CFAP20DC: variants seen among roughly 807,000 people sequenced by gnomAD.
CFAP20DC encodes protein CFAP20DC.
A neutral mutation model predicts 101.7 loss-of-function variants in CFAP20DC; 84 were observed. The ratio of observed to expected loss-of-function variants is 0.83; its 90% confidence interval spans 0.69 to 0.99. The LOEUF (loss-of-function observed/expected upper bound fraction) is 0.99, where lower values mean the gene tolerates loss of function less well. CFAP20DC is among the 50% of genes least tolerant of loss of function. The probability of loss-of-function intolerance (pLI) is 0.00; values close to 1 mark genes in which losing one functional copy is unlikely to be tolerated. For missense variants in CFAP20DC, 1,007 were observed against 970.3 expected (o/e 1.04, Z -0.50); for synonymous variants, 359 against 351.2 (o/e 1.02, Z -0.25).
chr3:58,831,879 CA>C lies in CFAP20DC; in HGVS notation c.1981del (p.Trp661GlyfsTer9). 6.2e-7 allele frequency: 1 copy of C among 1,613,892 alleles called. No homozygotes were observed. The highest frequency in any genetic ancestry group is 8.5e-7 in the Non-Finnish European group (1 of 1,179,880). On this transcript the variant is annotated frameshift_variant, in exon 14 of 17. Coordinates refer to ENST00000482387, the MANE Select transcript of CFAP20DC (RefSeq NM_001394063.1). LOFTEE classifies it high-confidence loss of function. ...SSIPEASEYD[W>X]RNYQPSQMSE... ...CATCTGGCTTGGCTGATAGTTTCGC[CA>C]GTCATATTCCTGACCAAGAGAGAGG...
At chr3:59,023,445 A>G (rs149563390) in intron 4 of CFAP20DC, among the ~76,000 whole-genome samples, 3 of 152,270 alleles carry the variant, frequency 2.0e-5, no homozygotes, top group Admixed American at 6.5e-5. Context: ...TTGACCTTAA[A>G]GAACGATTAG....
Position 58,867,917 on chromosome 3 carries a change from C to T in CFAP20DC, c.1035G>A (p.Met345Ile). 1 of 1,611,494 alleles carries T rather than the reference C, an allele frequency of 6.2e-7. No individual in the cohort carries two copies. The highest frequency in any genetic ancestry group is 8.5e-7 in the Non-Finnish European group (1 of 1,178,908). The stretch of plus-strand genomic sequence containing the variant: ...ATGGTTCTTGAGGGGGATGCGGATG[C>T]ATAATATGTAGATTGGCTGCTACAT... ...VPIHAANLHI[M>I]HPHPPQEPSA... The change falls in exon 10 of 17, where the codon ATG becomes ATA. Residue 345 changes from methionine (M) to isoleucine (I), a missense_variant. Coordinates refer to ENST00000482387, the MANE Select transcript of CFAP20DC (RefSeq NM_001394063.1).
At chr3:58,963,962 A>C (rs2091351494) in intron 4 of CFAP20DC, among the ~76,000 whole-genome samples, 1 of 152,212 alleles carries the variant, frequency 6.6e-6, no homozygotes, top group South Asian at 2.1e-4. Context: ...ACTCTGTGGC[A>C]ATAAGATACC....
intron 13 of CFAP20DC, among the ~76,000 whole-genome samples, chr3:58,842,289 C>T (rs1304016522): frequency 3.9e-5 from 6 of 152,104 alleles, no homozygotes; most frequent in South Asian, 2.1e-4. Flanking sequence ...AGACAGTGGG[C>T]GCAGGCCAGT....
chr3:58,848,779 A>G (rs1275482680), intron 13 of CFAP20DC, among the ~76,000 whole-genome samples: 4 of 152,184 alleles, frequency 2.6e-5, no homozygotes, highest in African/African-American at 9.6e-5. Context: ...AGAAAATAAA[A>G]TAACTGTTAT....
intron 15 of CFAP20DC, chr3:58,794,096 T>A (rs771158821): frequency 4.4e-6 from 1 of 227,812 alleles, no homozygotes; most frequent in Non-Finnish European, 9.3e-6. Context: ...TGGTCTCGCT[T>A]GTTACTGAGC....
At chr3:58,981,024 C>G (rs1008859557) in intron 4 of CFAP20DC, among the ~76,000 whole-genome samples, 2 of 152,130 alleles carry the variant, frequency 1.3e-5, no homozygotes, top group African/African-American at 4.8e-5. Flanking sequence ...GATACAAAAT[C>G]AATGTGCAAA....
At chr3:58,800,822 C>T (rs1423838183) in intron 15 of CFAP20DC, among the ~76,000 whole-genome samples, 5 of 151,998 alleles carry the variant, frequency 3.3e-5, no homozygotes, top group Non-Finnish European at 7.4e-5. Flanking sequence ...CACTGTCCTC[C>T]TATTTCCAGG....
chr3:58,835,986 A>G (rs1260302583), intron 13 of CFAP20DC, among the ~76,000 whole-genome samples: 13 of 152,180 alleles, frequency 8.5e-5, no homozygotes, highest in African/African-American at 2.4e-4. Flanking sequence ...AAGAGGGGAG[A>G]CATTATCAAT....
intron 4 of CFAP20DC, among the ~76,000 whole-genome samples, chr3:58,950,266 C>G (rs879606317): frequency 6.6e-6 from 1 of 152,128 alleles, no homozygotes; most frequent in African/African-American, 2.4e-5. Flanking sequence ...AAAGAGGATA[C>G]AAACAAATGG....
At position 58,818,178 on chromosome 3, in the gene CFAP20DC, GC is replaced by G. The variant is rs530660577; in HGVS notation, c.2176-11723del. Among the ~76,000 whole-genome samples, 88 of 151,908 alleles carry G rather than the reference GC, an allele frequency of 5.8e-4. No individual in the cohort carries two copies. In the South Asian group the frequency reaches 7.1e-3, roughly 12 times the overall value. On this transcript the variant is annotated intron_variant, in intron 14 of 16. Coordinates refer to ENST00000482387, the MANE Select transcript of CFAP20DC (RefSeq NM_001394063.1). ...AAAGGAACAACCGGTACCAGCCGCT[GC>G]AAAATCATGCCAAAATGTAAAGACC...
rs758435990 is a variant in CFAP20DC, at chr3:58,863,779, T to A, written c.1372A>T (p.Ser458Cys). 6 of 1,614,124 alleles carry A rather than the reference T, an allele frequency of 3.7e-6. No individual in the cohort carries two copies. Among genetic ancestry groups the A allele is most frequent in the Non-Finnish European group, 5.1e-6 (6 of 1,180,044 alleles). Residue 458 changes from serine (S) to cysteine (C), a missense_variant, in exon 12 of 17, where the codon AGC becomes TGC. Physicochemically the swap from Ser to Cys is moderately radical, Grantham distance 112. Coordinates refer to ENST00000482387, the MANE Select transcript of CFAP20DC (RefSeq NM_001394063.1). This position sits in a 1 kb window ranked among gnomAD's most constrained non-coding sequence, Gnocchi z 5.9. ...TGCTGGTCGTGTTCACTCTCTTTGC[T>A]GGCTTCCAGCCACAGGTGTGATGGG... ...CNPSHLWLEA[S>C]KESEHDQQAE...
rs142040091 is a variant in CFAP20DC at position 58,784,957 on chromosome 3, A to G, written c.2237+21438T>C. Among the ~76,000 whole-genome samples, 1,314 of 152,232 alleles carry G rather than the reference A, an allele frequency of 8.6e-3. 21 individuals carry two copies. Among genetic ancestry groups the G allele is most frequent in the African/African-American group, 0.03 (1,250 of 41,550 alleles). ...TTTATCCAAAGGAAAAGAAATCAGT[A>G]TATCAAAGGGATACCTGCACTTACC... On this transcript the variant is annotated intron_variant, in intron 15 of 16. Transcript: ENST00000482387.
At chr3:58,931,550 C>T (rs528812215) in intron 5 of CFAP20DC, among the ~76,000 whole-genome samples, 3,004 of 152,070 alleles carry the variant, frequency 0.02, 43 homozygotes, top group Non-Finnish European at 0.031. Context: ...ACACTTCACA[C>T]GGGCGGGTAC....
At chr3:58,816,809 G>A (rs1368030718) in intron 14 of CFAP20DC, among the ~76,000 whole-genome samples, 1 of 152,164 alleles carries the variant, frequency 6.6e-6, no homozygotes, top group Non-Finnish European at 1.5e-5. Flanking sequence ...AGGCCTGCCT[G>A]CCTCTGTAGG....
Position 58,884,489 on chromosome 3 carries a change from T to C in CFAP20DC, c.715+56A>G. The C allele has an allele frequency of 1.9e-6, 3 of 1,539,458 alleles. No individual in the cohort carries two copies. In the Middle Eastern group the frequency reaches 5.1e-4, roughly 263 times the overall value. Reference sequence around the variant, plus strand: ...GTGCCCTTTTTGGAGGAAGTCACACTTTATGGGAGAGATGCAGACATATTA... The same window carrying C: ...GTGCCCTTTTTGGAGGAAGTCACACCTTATGGGAGAGATGCAGACATATTA... On this transcript the variant is annotated intron_variant, in intron 7 of 16. Coordinates refer to ENST00000482387, the MANE Select transcript of CFAP20DC (RefSeq NM_001394063.1).
In CFAP20DC at chr3:58,912,187, C is replaced by T. The variant is rs1211642202; in HGVS notation, c.550+1521G>A. ...GATCAGAGATTGAAACATGCATTTACTTTGCTATGTTTGATCCACTTTTTT... is the reference window on the plus strand; with the variant it reads ...GATCAGAGATTGAAACATGCATTTATTTTGCTATGTTTGATCCACTTTTTT... On this transcript the variant is annotated intron_variant, in intron 6 of 16. Coordinates refer to ENST00000482387, the MANE Select transcript of CFAP20DC (RefSeq NM_001394063.1). This position sits in a 1 kb window ranked among gnomAD's most constrained non-coding sequence, Gnocchi z 4.4. Among the ~76,000 whole-genome samples, 1 of 151,964 alleles carries T rather than the reference C, an allele frequency of 6.6e-6. No homozygotes were observed. The highest frequency in any genetic ancestry group is 1.5e-5 in the Non-Finnish European group (1 of 67,982).
intron 15 of CFAP20DC, among the ~76,000 whole-genome samples, chr3:58,779,704 C>T (rs554821265): frequency 6.6e-6 from 1 of 152,230 alleles, no homozygotes; most frequent in African/African-American, 2.4e-5. Context: ...ACATTCATGA[C>T]TTATAGGACA....
At chr3:58,767,801 T>C (rs748702570) in intron 15 of CFAP20DC, among the ~76,000 whole-genome samples, 4 of 152,156 alleles carry the variant, frequency 2.6e-5, no homozygotes, top group East Asian at 1.9e-4. Context: ...ATAACCCCCA[T>C]TGATGTTCTG....
Sources: allele counts gnomAD v4.1 joint callset (sites outside exome capture counted in the v4.1 genomes callset), GRCh38; gene constraint gnomAD v4.1.1; non-coding constraint Gnocchi (gnomAD v3.1); transcripts MANE v1.5; gene names NCBI Gene and HGNC (gene_info 2026-07-23, HGNC 2026-07-21).